The following TRIM71 variants were observed in gnomAD, a reference collection of about 807,000 sequenced individuals.
TRIM71 encodes tripartite motif containing 71.
TRIM71 carries 9 observed loss-of-function variants against 61.2 expected under a neutral mutation model. The observed-to-expected ratio is 0.15, with a 90% CI of 0.09 to 0.26. The LOEUF (loss-of-function observed/expected upper bound fraction) is 0.26. TRIM71 is among the 10% of genes least tolerant of loss of function. The pLI, the probability that TRIM71 is intolerant of heterozygous loss-of-function variation, is 1.00. For missense variants in TRIM71, 998 were observed against 1,238.7 expected, an observed-to-expected ratio of 0.81 and a Z score of 2.92; for synonymous variants, 645 against 553.2, an observed-to-expected ratio of 1.17 and a Z score of -2.33.
chr3:32,895,515 A>G lies in TRIM71; in HGVS notation c.*3704A>G, dbSNP rs1245403812. On this transcript the variant is annotated 3_prime_UTR_variant, in exon 4 of 4. Coordinates refer to ENST00000383763, the MANE Select transcript of TRIM71 (RefSeq NM_001039111.3). ...GTTACCTTCCTCGTTGGAAGATTCTACGATTGCTCTGTTCTGGTAGGTGGT... is the reference window on the plus strand; with the variant it reads ...GTTACCTTCCTCGTTGGAAGATTCTGCGATTGCTCTGTTCTGGTAGGTGGT... 6.6e-6 allele frequency: 1 copy of G among 152,212 alleles called. No homozygotes were observed. The highest frequency in any genetic ancestry group is 1.5e-5 in the Non-Finnish European group (1 of 68,042). The allele number at this position is 152,212 out of a possible 1,614,324, so 9.4% of individuals were successfully genotyped here. A position where few individuals can be genotyped will look rare whatever the true frequency, so the allele number is the denominator to read the frequency against.
At chr3:32,849,217 T>G (rs1355703764) in intron 1 of TRIM71, among the ~76,000 whole-genome samples, 1 of 152,216 alleles carries the variant, frequency 6.6e-6, no homozygotes, top group African/African-American at 2.4e-5. Flanking sequence ...TACTTGGTAG[T>G]TAAACATTGT....
At chr3:32,873,782 A>G (rs1365959839) in intron 1 of TRIM71, 36 bp from the exon 2 acceptor site, 4 of 1,452,612 alleles carry the variant, frequency 2.8e-6, no homozygotes, top group African/African-American at 2.8e-5. Context: ...CCCGTCCTGC[A>G]TCTCCATTTA....
intron 3 of TRIM71, among the ~76,000 whole-genome samples, chr3:32,888,966 A>C (rs977593999): frequency 5.3e-5 from 8 of 152,192 alleles, no homozygotes; most frequent in Admixed American, 2.0e-4. Flanking sequence ...CCTTTTGCCT[A>C]GTCTCAACCT....
chr3:32,873,107 G>A (rs564993231), intron 1 of TRIM71, among the ~76,000 whole-genome samples: 2 of 109,492 alleles, frequency 1.8e-5, no homozygotes, highest in South Asian at 3.2e-4. Flanking sequence ...CAGCGTGCTG[G>A]GCCCCAGGGA....
At chr3:32,827,195 T>C (rs1696213038) in intron 1 of TRIM71, among the ~76,000 whole-genome samples, 1 of 152,074 alleles carries the variant, frequency 6.6e-6, no homozygotes, top group African/African-American at 2.4e-5. Flanking sequence ...CTGTTTTCAG[T>C]AATTATGTTA....
Position 32,894,056 on chromosome 3 carries a change from T to C in TRIM71, c.*2245T>C, listed in dbSNP as rs1348736807. 1 of 152,236 alleles carries C rather than the reference T, an allele frequency of 6.6e-6. No homozygotes were observed. The highest frequency in any genetic ancestry group is 2.4e-5 in the African/African-American group (1 of 41,462). The allele number at this position is 152,236 out of a possible 1,614,324, so 9.4% of individuals were successfully genotyped here. A position where few individuals can be genotyped will look rare whatever the true frequency, so the allele number is the denominator to read the frequency against. Reference sequence around the variant, plus strand: ...TCCCCAATGCCTATTCAGTTGCCTTTTGGCCGTTAAGCTCTAAGTTCTTTG... The same window carrying C: ...TCCCCAATGCCTATTCAGTTGCCTTCTGGCCGTTAAGCTCTAAGTTCTTTG... On this transcript the variant is annotated 3_prime_UTR_variant, in exon 4 of 4. Transcript: ENST00000383763.
In TRIM71 at chr3:32,890,342, T is replaced by C. The variant is rs1290094762; in HGVS notation, c.1156-18T>C. 4 of 1,600,860 alleles carry C rather than the reference T, an allele frequency of 2.5e-6. No homozygotes were observed. The highest frequency in any genetic ancestry group is 3.4e-6 in the Non-Finnish European group (4 of 1,170,246). ...TCTAAGCCTCTGTGTCTTTCTCCAC[T>C]CTTGCTTTTCCCTCCAGGTAGAAAA... is the stretch of plus-strand genomic sequence containing the variant. On this transcript the variant is annotated intron_variant, in intron 3 of 3. Coordinates refer to ENST00000383763, the MANE Select transcript of TRIM71 (RefSeq NM_001039111.3). This position sits in a 1 kb window ranked among gnomAD's most constrained non-coding sequence, Gnocchi z 6.2.
chr3:32,871,742 A>C (rs549959011), intron 1 of TRIM71, among the ~76,000 whole-genome samples: 6 of 152,372 alleles, frequency 3.9e-5, no homozygotes, highest in African/African-American at 1.2e-4. Flanking sequence ...GATTTAAAGG[A>C]GGCAAGTTGC....
chr3:32,821,807 T>C (rs907185928), intron 1 of TRIM71, among the ~76,000 whole-genome samples: 1 of 149,316 alleles, frequency 6.7e-6, no homozygotes, highest in Non-Finnish European at 1.5e-5. Context: ...GCAGGTAGAG[T>C]CGCCGCGGGC....
intron 1 of TRIM71, among the ~76,000 whole-genome samples, chr3:32,850,357 AT>A (rs1696524454): frequency 6.6e-6 from 1 of 152,138 alleles, no homozygotes; most frequent in Non-Finnish European, 1.5e-5. Flanking sequence ...TGCAAAAGGC[AT>A]TTCCCTTCCC....
intron 1 of TRIM71, among the ~76,000 whole-genome samples, chr3:32,864,665 T>TGTCTGCC (rs1424669030): frequency 6.6e-6 from 1 of 152,122 alleles, no homozygotes; most frequent in Admixed American, 6.5e-5. Context: ...AGAGCATGAG[T>TGTCTGCC]GTCTGCCGTC....
intron 1 of TRIM71, among the ~76,000 whole-genome samples, chr3:32,864,076 A>G (rs1051587523): frequency 6.6e-6 from 1 of 152,026 alleles, no homozygotes; most frequent in Admixed American, 6.5e-5. Context: ...TAAACATCCA[A>G]GACTGATTGA....
chr3:32,866,719 A>C (rs1696740046), intron 1 of TRIM71, among the ~76,000 whole-genome samples: 1 of 152,154 alleles, frequency 6.6e-6, no homozygotes, highest in Admixed American at 6.6e-5. Flanking sequence ...GCCTGGTCCC[A>C]CAAGCAGGGG....
rs769024916 is a variant in TRIM71, at chr3:32,891,004, T to C, written c.1800T>C (p.Gly600=). 6 of 1,613,814 alleles carry C rather than the reference T, an allele frequency of 3.7e-6. No homozygotes were observed. In the East Asian group the frequency reaches 1.3e-4, roughly 36 times the overall value. The change falls in exon 4 of 4, where the codon GGT becomes GGC. Residue 600 remains glycine (G), a synonymous_variant. Transcript: ENST00000383763. This position sits in a 1 kb window ranked among gnomAD's most constrained non-coding sequence, Gnocchi z 8.2. ...GLPGLSFGSE[G]DSDGKLCRPW... is the part of the protein sequence containing the mutation. ...CGGGCCTGAGCTTCGGCAGTGAGGG[T>C]GACAGCGATGGCAAGCTCTGCCGCC... is the stretch of plus-strand genomic sequence containing the variant.
chr3:32,887,809 T>C (rs974432076), intron 3 of TRIM71, among the ~76,000 whole-genome samples: 29 of 152,274 alleles, frequency 1.9e-4, no homozygotes, highest in African/African-American at 6.7e-4. Flanking sequence ...CATACACATG[T>C]ATCCTGGTTC....
chr3:32,862,743 G>T (rs1696684945), intron 1 of TRIM71, among the ~76,000 whole-genome samples: 1 of 152,190 alleles, frequency 6.6e-6, no homozygotes, highest in Non-Finnish European at 1.5e-5. Flanking sequence ...TTTATTTGCT[G>T]CTGGAAGCTG....
At chr3:32,832,116 A>G (rs999298096) in intron 1 of TRIM71, among the ~76,000 whole-genome samples, 7 of 152,144 alleles carry the variant, frequency 4.6e-5, no homozygotes, top group African/African-American at 1.7e-4. Flanking sequence ...GGGATTCTCT[A>G]CTTCCCTATA....
In TRIM71 at chr3:32,892,268, C is replaced by G. The variant is rs1208028836; in HGVS notation, c.*457C>G. 1 of 154,514 alleles carries G rather than the reference C, an allele frequency of 6.5e-6. No individual in the cohort carries two copies. Among genetic ancestry groups the G allele is most frequent in the African/African-American group, 2.4e-5 (1 of 41,390 alleles). 9.6% of individuals were successfully genotyped at this position (154,514 alleles called of 1,614,324 possible). A position where few individuals can be genotyped will look rare whatever the true frequency, so the allele number is the denominator to read the frequency against. On this transcript the variant is annotated 3_prime_UTR_variant, in exon 4 of 4. Coordinates refer to ENST00000383763, the MANE Select transcript of TRIM71 (RefSeq NM_001039111.3). ...AAAAAAAAACTACTAAGTAAAAAAACAAAAAACTATAAAACATGGAAAAAA... is the reference window on the plus strand; with the variant it reads ...AAAAAAAAACTACTAAGTAAAAAAAGAAAAAACTATAAAACATGGAAAAAA...
intron 1 of TRIM71, among the ~76,000 whole-genome samples, chr3:32,859,251 C>T (rs76637157): frequency 0.013 from 1,934 of 152,182 alleles, 19 homozygotes; most frequent in Middle Eastern, 0.027. Flanking sequence ...AGTGGTACCG[C>T]GATTTTAGGG....
Sources: gnomAD v4.1 joint callset for allele counts (sites outside exome capture counted in the v4.1 genomes callset) on GRCh38, gnomAD v4.1.1 for gene constraint, Gnocchi (gnomAD v3.1) non-coding constraint, MANE v1.5 for transcripts, NCBI Gene and HGNC (gene_info 2026-07-23, HGNC 2026-07-21) for gene names.